The following JARID2 variants were observed in gnomAD, a reference collection of about 807,000 sequenced individuals.
JARID2 encodes protein Jumonji.
Under a neutral mutation model 125.6 loss-of-function variants are expected in JARID2, and 21 were observed. That is an observed-to-expected ratio of 0.17 (90% CI 0.12 to 0.24). The LOEUF is 0.24. Ranked by LOEUF, JARID2 falls within the 10% of genes least tolerant of loss-of-function variation. JARID2 has a pLI of 1.00. For synonymous variants in JARID2, 736 were observed against 661.6 expected (o/e 1.11, Z -1.73); for missense variants, 1,303 against 1,639.6 (o/e 0.79, Z 3.55).
intron 1 of JARID2, among the ~76,000 whole-genome samples, chr6:15,285,705 G>T (rs1182891691): frequency 1.3e-5 from 2 of 152,116 alleles, no homozygotes; most frequent in Admixed American, 6.6e-5. Flanking sequence ...GAGGTTAGAG[G>T]ATAACAATTC....
intron 3 of JARID2, among the ~76,000 whole-genome samples, chr6:15,448,541 A>T (rs1767776684): frequency 6.6e-6 from 1 of 152,196 alleles, no homozygotes; most frequent in East Asian, 1.9e-4. Flanking sequence ...TCAGAGTGCG[A>T]TTTGCGTCCA....
intron 3 of JARID2, among the ~76,000 whole-genome samples, chr6:15,426,416 G>C (rs554386117): frequency 6.6e-6 from 1 of 152,198 alleles, no homozygotes; most frequent in Non-Finnish European, 1.5e-5. Context: ...AAGGACGCAC[G>C]TGGATGTTGG....
At chr6:15,272,792 G>T (rs1367570064) in intron 1 of JARID2, among the ~76,000 whole-genome samples, 1 of 152,164 alleles carries the variant, frequency 6.6e-6, no homozygotes. Context: ...AAATGGATGT[G>T]ATAATTATAG....
chr6:15,260,832 C>CA (rs1375015644), intron 1 of JARID2, among the ~76,000 whole-genome samples: 5 of 152,162 alleles, frequency 3.3e-5, no homozygotes, highest in Non-Finnish European at 7.4e-5. Flanking sequence ...GTGGCTTTTT[C>CA]TTCTTTCTTC....
At chr6:15,458,835 C>T (rs1051971602) in intron 4 of JARID2, among the ~76,000 whole-genome samples, 2 of 152,190 alleles carry the variant, frequency 1.3e-5, no homozygotes, top group African/African-American at 4.8e-5. Flanking sequence ...ACTGCCAAGG[C>T]ATGGATTGAT....
rs1255089024 is a variant in JARID2, at chr6:15,487,330, A to G, written c.694A>G (p.Thr232Ala). The G allele has an allele frequency of 1.2e-6, 2 of 1,614,058 alleles. No homozygotes were observed. Among genetic ancestry groups the G allele is most frequent in the African/African-American group, 2.7e-5 (2 of 74,926 alleles). The change falls in exon 6 of 18, where the codon ACA becomes GCA. Residue 232 changes from threonine to alanine, a missense_variant. Thr to Ala is a moderately conservative substitution (Grantham distance 58, BLOSUM62 0). Around this residue, in one of 11 missense-constraint regions of JARID2, gnomAD observed 651 missense variants for 581.6 expected, o/e 1.12. Transcript: ENST00000341776. ...AGTTTTCAATGGTTCCAGCAGGTCA[A>G]CACGGGAGAAGGAACCTGTTCAAAA... Reference protein sequence around the residue: ...GHVFNGSSRSTREKEPVQKHK... With the variant: ...GHVFNGSSRSAREKEPVQKHK...
At chr6:15,427,111 C>T (rs1444327838) in intron 3 of JARID2, among the ~76,000 whole-genome samples, 1 of 152,098 alleles carries the variant, frequency 6.6e-6, no homozygotes, top group African/African-American at 2.4e-5. Context: ...TTAACAAGTT[C>T]CTGTTCCTGC....
At chr6:15,505,860 G>A (rs551418835) in intron 9 of JARID2, among the ~76,000 whole-genome samples, 2 of 152,262 alleles carry the variant, frequency 1.3e-5, no homozygotes, top group African/African-American at 2.4e-5. Context: ...CACGCGTTGC[G>A]TTTGTGGTAG....
intron 1 of JARID2, among the ~76,000 whole-genome samples, chr6:15,273,485 T>G (rs533028598): frequency 8.1e-4 from 123 of 152,306 alleles, no homozygotes; most frequent in African/African-American, 2.8e-3. Context: ...GTGGATCACC[T>G]GAGGTCAGGA....
intron 11 of JARID2, among the ~76,000 whole-genome samples, chr6:15,507,942 T>TC (rs1467981650): frequency 6.6e-6 from 1 of 152,240 alleles, no homozygotes; most frequent in Non-Finnish European, 1.5e-5. Flanking sequence ...CTCACCCTGC[T>TC]CAGAGGCCTT....
At chr6:15,321,158 T>C (rs1384903380) in intron 1 of JARID2, among the ~76,000 whole-genome samples, 4 of 152,216 alleles carry the variant, frequency 2.6e-5, no homozygotes, top group Non-Finnish European at 5.9e-5. Flanking sequence ...TACTCAGTGT[T>C]ATCAATTACA....
At position 15,409,969 on chromosome 6, in the gene JARID2, T is replaced by C. The variant is rs1252943604; in HGVS notation, c.182-255T>C. ...TTTAAAAACGAATCCTGAAGTATAG[T>C]GTTACAGTTCCAAATTTCTGCTCAA... On this transcript the variant is annotated intron_variant, in intron 2 of 17. Transcript: ENST00000341776. Among the ~76,000 whole-genome samples, 4 of 152,328 alleles carry C rather than the reference T, an allele frequency of 2.6e-5. No homozygotes were observed. The Middle Eastern group carries it at 0.01, about 389-fold the overall frequency.
At position 15,278,849 on chromosome 6, in the gene JARID2, A is replaced by G. The variant is rs1264123538; in HGVS notation, c.45+32265A>G. Reference sequence around the variant, plus strand: ...TTTGAGAGGCTGAGGCGGGCAGATCACTTGAGGTCAGGCGTTCGAGATTAG... The same window carrying G: ...TTTGAGAGGCTGAGGCGGGCAGATCGCTTGAGGTCAGGCGTTCGAGATTAG... On this transcript the variant is annotated intron_variant, in intron 1 of 17. Coordinates refer to ENST00000341776, the MANE Select transcript of JARID2 (RefSeq NM_004973.4). 2.6e-5 allele frequency among the ~76,000 whole-genome samples: 4 copies of G among 152,192 alleles called. No individual in the cohort carries two copies. The East Asian group carries it at 7.7e-4, about 29-fold the overall frequency.
At chr6:15,445,633 G>A (rs1396042706) in intron 3 of JARID2, among the ~76,000 whole-genome samples, 1 of 152,220 alleles carries the variant, frequency 6.6e-6, no homozygotes, top group East Asian at 1.9e-4. Context: ...CTTGTTGCAT[G>A]AGGTGTGTCA....
intron 3 of JARID2, among the ~76,000 whole-genome samples, chr6:15,428,924 A>C (rs1183992249): frequency 7.2e-6 from 1 of 138,452 alleles, no homozygotes; most frequent in Non-Finnish European, 1.6e-5. Context: ...AACAAAAAAA[A>C]AACAAACCCC....
At chr6:15,443,506 G>C (rs1254934776) in intron 3 of JARID2, among the ~76,000 whole-genome samples, 1 of 152,052 alleles carries the variant, frequency 6.6e-6, no homozygotes, top group Non-Finnish European at 1.5e-5. Context: ...AAAGTGCTAG[G>C]TGGTAGTACT....
chr6:15,417,158 G>A (rs1766267365), intron 3 of JARID2, among the ~76,000 whole-genome samples: 1 of 152,178 alleles, frequency 6.6e-6, no homozygotes, highest in South Asian at 2.1e-4. Flanking sequence ...GGGTGAGTAG[G>A]GGGAAGAGGG....
chr6:15,334,373 C>A (rs924512353), intron 1 of JARID2, among the ~76,000 whole-genome samples: 1 of 151,982 alleles, frequency 6.6e-6, no homozygotes, highest in Admixed American at 6.5e-5. Context: ...TAGAATGCTT[C>A]CTTATAATTC....
intron 2 of JARID2, among the ~76,000 whole-genome samples, chr6:15,383,182 C>A (rs991915160): frequency 6.9e-6 from 1 of 145,360 alleles, no homozygotes; most frequent in African/African-American, 2.6e-5. Flanking sequence ...TTTTTTTTTT[C>A]TTTGAAACAG....
Sources: allele counts gnomAD v4.1 joint callset (sites outside exome capture counted in the v4.1 genomes callset), GRCh38; gene constraint gnomAD v4.1.1; regional missense constraint gnomAD v4.1.1; transcripts MANE v1.5; gene names NCBI Gene and HGNC (gene_info 2026-07-23, HGNC 2026-07-21).